Variants in ANGPT1 observed in about 807,000 individuals in gnomAD.
The protein encoded by ANGPT1 is angiopoietin-1.
A neutral mutation model predicts 62.2 loss-of-function variants in ANGPT1; 17 were observed. The ratio of observed to expected loss-of-function variants is 0.27; its 90% CI spans 0.19 to 0.41. The LOEUF is 0.41. ANGPT1 is among the 10% of genes least tolerant of loss of function. ANGPT1 has a pLI of 1.00. For missense variants in ANGPT1, 478 were observed against 594.9 expected, an observed-to-expected ratio of 0.80 and a Z score of 2.04; for synonymous variants, 199 against 198.9, an observed-to-expected ratio of 1.00 and a Z score of 0.00.
At chr8:107,268,445 T>C (rs765290281) in intron 7 of ANGPT1, among the ~76,000 whole-genome samples, 10 of 150,950 alleles carry the variant, frequency 6.6e-5, no homozygotes, top group Non-Finnish European at 1.0e-4. Context: ...TGTGTGTACA[T>C]AGATACAGTC....
intron 5 of ANGPT1, chr8:107,294,841 G>A (rs73701071): frequency 8.5e-5 from 13 of 152,102 alleles, no homozygotes; most frequent in African/African-American, 2.2e-4. Flanking sequence ...TGGGATTATC[G>A]TCGGAGAGCA....
chr8:107,404,621 CAGTACTTTGCTATTATAAA>C (rs1356239950), intron 1 of ANGPT1, among the ~76,000 whole-genome samples: 1 of 152,008 alleles, frequency 6.6e-6, no homozygotes, highest in African/African-American at 2.4e-5. Context: ...AGATTGTCCC[CAGTACTTTGCTATTATAAA>C]AGATACTGCA....
chr8:107,368,019 T>C (rs1816311400), intron 1 of ANGPT1, among the ~76,000 whole-genome samples: 1 of 152,214 alleles, frequency 6.6e-6, no homozygotes, highest in Admixed American at 6.5e-5. Flanking sequence ...TACTGGCTTC[T>C]AGAATAGTGA....
intron 1 of ANGPT1, among the ~76,000 whole-genome samples, chr8:107,380,726 T>G (rs1816620734): frequency 6.6e-6 from 1 of 152,208 alleles, no homozygotes; most frequent in Admixed American, 6.5e-5. Context: ...GGGGAAAATC[T>G]TTTCTACTGC....
chr8:107,329,562 T>G (rs774607438), intron 3 of ANGPT1, among the ~76,000 whole-genome samples: 5 of 152,108 alleles, frequency 3.3e-5, no homozygotes, highest in Non-Finnish European at 5.9e-5. Flanking sequence ...GATCTCTATT[T>G]TATTCATGTT....
intron 1 of ANGPT1, among the ~76,000 whole-genome samples, chr8:107,415,633 C>A (rs1368165625): frequency 6.6e-6 from 1 of 152,084 alleles, no homozygotes; most frequent in Admixed American, 6.5e-5. Context: ...AATTTAAAAT[C>A]TTTCTCAATG....
At chr8:107,351,054 G>T (rs536159089) in intron 1 of ANGPT1, among the ~76,000 whole-genome samples, 2 of 152,196 alleles carry the variant, frequency 1.3e-5, no homozygotes, top group Admixed American at 6.5e-5. Flanking sequence ...AAACATCTAA[G>T]ATGTGAATTT....
At chr8:107,297,699 T>A (rs1443135097) in intron 5 of ANGPT1, among the ~76,000 whole-genome samples, 2 of 150,566 alleles carry the variant, frequency 1.3e-5, no homozygotes, top group African/African-American at 4.9e-5. Flanking sequence ...GTTATTATAA[T>A]ATTGGCATCA....
intron 1 of ANGPT1, among the ~76,000 whole-genome samples, chr8:107,437,146 A>C (rs1397469311): frequency 6.6e-6 from 1 of 152,182 alleles, no homozygotes; most frequent in Non-Finnish European, 1.5e-5. Context: ...CTAATATTAC[A>C]TATTGCTTAA....
intron 1 of ANGPT1, among the ~76,000 whole-genome samples, chr8:107,496,846 C>A (rs968253709): frequency 1.3e-5 from 2 of 152,012 alleles, no homozygotes; most frequent in African/African-American, 2.4e-5. Context: ...ATTTGCCACC[C>A]CAGCGGCACA....
At chr8:107,440,200 G>A (rs1586324085) in intron 1 of ANGPT1, among the ~76,000 whole-genome samples, 1 of 152,248 alleles carries the variant, frequency 6.6e-6, no homozygotes, top group East Asian at 1.9e-4. Flanking sequence ...ATAAAATTGA[G>A]GGCTCAAGCA....
chr8:107,393,289 G>A (rs1447939305), intron 1 of ANGPT1, among the ~76,000 whole-genome samples: 1 of 152,178 alleles, frequency 6.6e-6, no homozygotes, highest in Non-Finnish European at 1.5e-5. Context: ...CCCTGGGCTT[G>A]AGAGGGGGAG....
At chr8:107,289,437 C>A (rs1814221173) in intron 6 of ANGPT1, among the ~76,000 whole-genome samples, 1 of 152,060 alleles carries the variant, frequency 6.6e-6, no homozygotes, top group African/African-American at 2.4e-5. Context: ...CCAGACACAG[C>A]CCATGTATTC....
intron 3 of ANGPT1, among the ~76,000 whole-genome samples, chr8:107,327,667 T>C (rs1586227528): frequency 6.6e-6 from 1 of 152,114 alleles, no homozygotes; most frequent in East Asian, 1.9e-4. Context: ...TCTATACAAA[T>C]TGAGCTAGAA....
intron 5 of ANGPT1, among the ~76,000 whole-genome samples, chr8:107,298,897 AGG>A: frequency 6.6e-6 from 1 of 151,958 alleles, no homozygotes; most frequent in Middle Eastern, 3.4e-3. Context: ...AAGCCTACCC[AGG>A]GGTAGCACCA....
chr8:107,400,770 G>C (rs1366178024), intron 1 of ANGPT1, among the ~76,000 whole-genome samples: 2 of 152,018 alleles, frequency 1.3e-5, no homozygotes, highest in Admixed American at 1.3e-4. Flanking sequence ...ATATTGGTCA[G>C]GCTAGTCTCC....
intron 1 of ANGPT1, among the ~76,000 whole-genome samples, chr8:107,391,827 G>T (rs1563601714): frequency 1.3e-5 from 2 of 152,152 alleles, no homozygotes; most frequent in Non-Finnish European, 2.9e-5. Flanking sequence ...GAATATGGTA[G>T]GCAATTGTAA....
At chr8:107,404,656 C>T (rs578133886) in intron 1 of ANGPT1, among the ~76,000 whole-genome samples, 1 of 152,156 alleles carries the variant, frequency 6.6e-6, no homozygotes, top group South Asian at 2.1e-4. Context: ...CTGCAATGAA[C>T]ATTTTGTACA....
At chr8:107,363,519 T>C (rs1428782932) in intron 1 of ANGPT1, among the ~76,000 whole-genome samples, 1 of 152,212 alleles carries the variant, frequency 6.6e-6, no homozygotes, top group Non-Finnish European at 1.5e-5. Context: ...CTGTTAGCTC[T>C]AAGCTGGCAA....
Sources: allele counts gnomAD v4.1 joint callset (sites outside exome capture counted in the v4.1 genomes callset), GRCh38; gene constraint gnomAD v4.1.1; transcripts MANE v1.5; gene names NCBI Gene and HGNC (gene_info 2026-07-23, HGNC 2026-07-21).